Variants in XDH observed in about 807,000 individuals in gnomAD.
XDH encodes xanthine dehydrogenase.
XDH carries 138 observed loss-of-function variants against 156.1 expected under a neutral mutation model. The observed-to-expected ratio is 0.88, with a 90% CI of 0.77 to 1.02. The LOEUF (loss-of-function observed/expected upper bound fraction) is 1.02. Among genes scored for constraint, XDH ranks in the 50% least tolerant of loss-of-function variants. The probability of loss-of-function intolerance (pLI) is 0.00; values close to 1 mark genes in which losing one functional copy is unlikely to be tolerated. For synonymous variants in XDH, 669 were observed against 625.7 expected (o/e 1.07, Z -1.03); for missense variants, 1,849 against 1,684.9 (o/e 1.10, Z -1.71).
intron 1 of XDH, among the ~76,000 whole-genome samples, chr2:31,407,082 G>T (rs1406456244): frequency 2.0e-5 from 3 of 152,200 alleles, no homozygotes; most frequent in Admixed American, 6.5e-5. Flanking sequence ...AAGAATTCAT[G>T]ATAAGGTTTT....
At chr2:31,387,950 C>T (rs984212552) in intron 7 of XDH, 53 bp from the exon 8 acceptor site, 6 of 1,523,468 alleles carry the variant, frequency 3.9e-6, no homozygotes, top group Non-Finnish European at 3.6e-6. Flanking sequence ...TTTCAAACAC[C>T]CAAGAGGACC....
At chr2:31,370,663 C>T (rs548469634) in intron 17 of XDH, among the ~76,000 whole-genome samples, 185 bp from the exon 18 acceptor site, 18 of 152,290 alleles carry the variant, frequency 1.2e-4, no homozygotes, top group African/African-American at 4.1e-4. Context: ...ATTAAATCCT[C>T]ACCATGTTCA....
chr2:31,373,834 A>G (rs1347477299), intron 16 of XDH, 39 bp downstream of exon 16: 2 of 1,609,454 alleles, frequency 1.2e-6, no homozygotes, highest in Non-Finnish European at 1.7e-6. Flanking sequence ...TGTGGCCTGC[A>G]AAGTCCCCTG....
chr2:31,374,773 C>G (rs759320591), intron 15 of XDH, among the ~76,000 whole-genome samples: 1 of 152,094 alleles, frequency 6.6e-6, no homozygotes, highest in Admixed American at 6.5e-5. Flanking sequence ...ATGTTCTCCC[C>G]GACACTGAGC....
chr2:31,385,643 G>A (rs930921715), intron 9 of XDH, among the ~76,000 whole-genome samples: 5 of 152,210 alleles, frequency 3.3e-5, no homozygotes, highest in East Asian at 1.9e-4. Context: ...TTTAGAAATC[G>A]ACAGAGATTA....
chr2:31,404,912 T>C (rs554450947), intron 2 of XDH, among the ~76,000 whole-genome samples: 1 of 152,266 alleles, frequency 6.6e-6, no homozygotes, highest in African/African-American at 2.4e-5. Context: ...GTTATAATAA[T>C]CTTTGCTGTC....
At chr2:31,355,335 G>A (rs1485547620) in intron 24 of XDH, among the ~76,000 whole-genome samples, 4 of 151,998 alleles carry the variant, frequency 2.6e-5, no homozygotes, top group African/African-American at 9.7e-5. Context: ...AAAATTAGAA[G>A]GAAGGAAAAA....
At chr2:31,389,861 T>G (rs1008420046) in intron 6 of XDH, among the ~76,000 whole-genome samples, 2 of 152,044 alleles carry the variant, frequency 1.3e-5, no homozygotes, top group Non-Finnish European at 2.9e-5. Context: ...AAAGTTTTTT[T>G]TTTAGAGTGG....
At chr2:31,348,154 A>G in intron 28 of XDH, 114 bp downstream of exon 28, 1 of 1,061,132 alleles carries the variant, frequency 9.4e-7, no homozygotes, top group South Asian at 1.3e-5. Context: ...GACATAAGCA[A>G]CAGGGCCAGG....
At position 31,397,708 on chromosome 2, in the gene XDH, C is replaced by A. The variant is rs771810640; in HGVS notation, c.455G>T (p.Gly152Val). ...GAAGCCCTGGAGGATGGGTCTGTAG[C>A]CTGTGCAGCGGCACAGATTTCCTGT... is the stretch of plus-strand genomic sequence containing the variant. ...AFQGNLCRCT[G>V]YRPILQGFRT... The change falls in exon 6 of 36, where the codon GGC becomes GTC. Residue 152 changes from glycine to valine, a missense_variant. By Grantham distance (109) the Gly-to-Val change is moderately radical. Coordinates refer to ENST00000379416, the MANE Select transcript of XDH (RefSeq NM_000379.4). 5.6e-6 allele frequency: 9 copies of A among 1,614,198 alleles called. No individual in the cohort carries two copies. Among genetic ancestry groups the A allele is most frequent in the Non-Finnish European group, 7.6e-6 (9 of 1,180,028 alleles).
chr2:31,336,141 T>G, intron 35 of XDH, 133 bp from the exon 36 acceptor site: 1 of 960,704 alleles, frequency 1.0e-6, no homozygotes, highest in East Asian at 2.4e-5. Flanking sequence ...GCCTAGCTGT[T>G]GAGAATGCCT....
At chr2:31,409,918 G>T (rs969758826) in intron 1 of XDH, among the ~76,000 whole-genome samples, 5 of 152,096 alleles carry the variant, frequency 3.3e-5, no homozygotes, top group African/African-American at 7.2e-5. Flanking sequence ...TGAAGTCAGG[G>T]TCTCAGATAT....
intron 4 of XDH, 38 bp downstream of exon 4, chr2:31,401,182 C>A: frequency 6.2e-7 from 1 of 1,609,432 alleles, no homozygotes; most frequent in East Asian, 2.2e-5. Context: ...GAGGAAAGAG[C>A]CTGATCTCAA....
rs1572509337 is a variant in XDH at position 31,341,504 on chromosome 2, T to G, written c.3520-110A>C. The stretch of plus-strand genomic sequence containing the variant: ...TACAAGTGCCAACCAAAGAGTACGT[T>G]CCCAAGCAGAAAGCCCTGGGTGTGC... On this transcript the variant is annotated intron_variant, in intron 32 of 35. Transcript: ENST00000379416. The G allele has an allele frequency of 1.3e-5, 15 of 1,145,792 alleles. No individual in the cohort carries two copies. The East Asian group carries it at 3.9e-4, about 30-fold the overall frequency. The allele number at this position is 1,145,792 out of a possible 1,614,324, so 71.0% of individuals were successfully genotyped here.
At chr2:31,336,534 G>A (rs1684974226) in intron 35 of XDH, among the ~76,000 whole-genome samples, 1 of 151,980 alleles carries the variant, frequency 6.6e-6, no homozygotes, top group Admixed American at 6.5e-5. Context: ...AGCATTGGGA[G>A]CCATAGTGGG....
rs749580652 is a variant in XDH, at chr2:31,383,091, A to C, written c.948T>G (p.Val316=). ...CTGTCTTTTGGGCAGGAAGCTTAGC[A>C]ACAGCATCCACCAGGGTTTTTTCCA... ...SIVEKTLVDA[V]AKLPAQKTEV... Residue 316 remains valine, a synonymous_variant, in exon 11 of 36, where the codon GTT becomes GTG. Transcript: ENST00000379416. 1.3e-5 allele frequency: 21 copies of C among 1,614,068 alleles called. No homozygotes were observed. Among genetic ancestry groups the C allele is most frequent in the Non-Finnish European group, 8.5e-7 (1 of 1,180,034 alleles).
chr2:31,386,982 GGGAAGAAAGGAAGGAAGGAAGGAA>G (rs1686621709), intron 8 of XDH, among the ~76,000 whole-genome samples: 3 of 81,198 alleles, frequency 3.7e-5, no homozygotes, highest in African/African-American at 9.8e-5. Context: ...GAGGGAGGGA[GGGAAGAAAGGAAGGAAGGAAGGAA>G]GGAAGGAAGG....
chr2:31,387,741 G>T, intron 8 of XDH, 70 bp downstream of exon 8: 1 of 1,406,000 alleles, frequency 7.1e-7, no homozygotes, highest in African/African-American at 1.4e-5. Flanking sequence ...CAGTGGGTAT[G>T]AAAATAAAGC....
chr2:31,375,275 T>C (rs1686212980), intron 15 of XDH, 105 bp downstream of exon 15: 1 of 1,421,582 alleles, frequency 7.0e-7, no homozygotes, highest in Non-Finnish European at 9.9e-7. Context: ...CCTGCTATTC[T>C]GCCCTCAGAT....
Sources: gnomAD v4.1 joint callset for allele counts (sites outside exome capture counted in the v4.1 genomes callset) on GRCh38, gnomAD v4.1.1 for gene constraint, MANE v1.5 for transcripts, NCBI Gene and HGNC (gene_info 2026-07-23, HGNC 2026-07-21) for gene names.